PCNT: variants seen among roughly 807,000 people sequenced by gnomAD.
PCNT encodes pericentrin, also known as kendrin.
In PCNT, 319 loss-of-function variants were observed where a neutral mutation model predicts 380.4. The ratio of observed to expected loss-of-function variants is 0.84; its 90% confidence interval spans 0.77 to 0.92. The LOEUF is 0.92. Among genes scored for constraint, PCNT ranks in the 40% least tolerant of loss-of-function variants. The pLI, the probability that PCNT is intolerant of heterozygous loss-of-function variation, is 0.00. For missense variants in PCNT, 4,400 were observed against 4,255.3 expected (o/e 1.03, Z -0.95); for synonymous variants, 1,845 against 1,735.2 (o/e 1.06, Z -1.57).
rs1206931377 is a variant in PCNT at position 46,416,668 on chromosome 21, C to T, written c.6750C>T (p.Ala2250=). 1.3e-6 allele frequency: 2 copies of T among 1,565,030 alleles called. No individual in the cohort carries two copies. Among genetic ancestry groups the T allele is most frequent in the Admixed American group, 1.8e-5 (1 of 54,776 alleles). ...TCCCCGTGACACCCCACTCAGGAGCCCTGAGCCTGTGCAGTGCCGACACAT... is the reference window on the plus strand; with the variant it reads ...TCCCCGTGACACCCCACTCAGGAGCTCTGAGCCTGTGCAGTGCCGACACAT... ...PSLPVTPHSG[A]LSLCSADTSL... The change falls in exon 30 of 47, where the codon GCC becomes GCT. Residue 2250 remains alanine, a synonymous_variant. Transcript: ENST00000359568.
intron 29 of PCNT, among the ~76,000 whole-genome samples, chr21:46,414,864 C>T (rs1224732834): frequency 6.7e-6 from 1 of 149,166 alleles, no homozygotes; most frequent in Non-Finnish European, 1.5e-5. Flanking sequence ...CTACCCTCCT[C>T]CTGCTGGACA....
intron 2 of PCNT, among the ~76,000 whole-genome samples, chr21:46,329,797 C>T (rs1266354601): frequency 6.6e-6 from 1 of 152,184 alleles, no homozygotes; most frequent in Non-Finnish European, 1.5e-5. Context: ...CTGTTTAAAG[C>T]AGTATTTTAA....
At chr21:46,436,405 T>A (rs1308104443) in intron 39 of PCNT, among the ~76,000 whole-genome samples, 2 of 147,170 alleles carry the variant, frequency 1.4e-5, no homozygotes, top group Non-Finnish European at 3.0e-5. Context: ...GAGGGTTGGC[T>A]TGGTTCTCTT....
chr21:46,392,287 T>TCAGTTCACTGCAACCTCC (rs1246574995), intron 21 of PCNT, among the ~76,000 whole-genome samples: 1 of 152,158 alleles, frequency 6.6e-6, no homozygotes, highest in African/African-American at 2.4e-5. Context: ...TGGCGTGATC[T>TCAGTTCACTGCAACCTCC]CAGTTCACTG....
intron 15 of PCNT, among the ~76,000 whole-genome samples, chr21:46,379,249 T>C (rs147279554): frequency 1.9e-4 from 26 of 137,634 alleles, no homozygotes; most frequent in Admixed American, 8.4e-4. Context: ...TGTCGTGAGC[T>C]GCGCCCGTCT....
At chr21:46,372,155 A>G (rs2085164027) in intron 15 of PCNT, among the ~76,000 whole-genome samples, 1 of 147,076 alleles carries the variant, frequency 6.8e-6, no homozygotes, top group Admixed American at 6.8e-5. Context: ...GTGCCCATAC[A>G]AGGCACACGC....
chr21:46,437,410 C>T (rs559582092), intron 40 of PCNT, among the ~76,000 whole-genome samples: 25 of 152,258 alleles, frequency 1.6e-4, no homozygotes, highest in South Asian at 4.1e-4. Flanking sequence ...ACATGCTGCT[C>T]GCTGTGCATG....
At position 46,440,094 on chromosome 21, in the gene PCNT, G is replaced by A. The variant is rs748429365; in HGVS notation, c.9285G>A (p.Arg3095=). Reference sequence around the variant, plus strand: ...GTGCTTCCTTACAGAGGTCGGAAAGGTCTGCTTGGAAGCCAGACGAAACGG... The same window carrying A: ...GTGCTTCCTTACAGAGGTCGGAAAGATCTGCTTGGAAGCCAGACGAAACGG... ...QKGCSPSRSE[R]SAWKPDETAP... is the part of the protein sequence containing the mutation. Residue 3095 remains arginine, a synonymous_variant, in exon 42 of 47, where the codon AGG becomes AGA. Coordinates refer to ENST00000359568, the MANE Select transcript of PCNT (RefSeq NM_006031.6). The A allele has an allele frequency of 8.1e-6, 13 of 1,614,006 alleles. No individual in the cohort carries two copies. The highest frequency in any genetic ancestry group is 1.1e-5 in the Non-Finnish European group (13 of 1,180,046).
At chr21:46,374,516 C>G (rs1188288813) in intron 15 of PCNT, among the ~76,000 whole-genome samples, 1 of 152,116 alleles carries the variant, frequency 6.6e-6, no homozygotes, top group Non-Finnish European at 1.5e-5. Flanking sequence ...CCACTCCTCT[C>G]CTGGTCTCCT....
chr21:46,336,814 T>C (rs1051427145), intron 3 of PCNT, among the ~76,000 whole-genome samples: 12 of 152,098 alleles, frequency 7.9e-5, no homozygotes, highest in African/African-American at 2.7e-4. Context: ...TTTATAGACA[T>C]ATATGTTAAA....
chr21:46,356,108 C>T (rs1210203061), intron 12 of PCNT, among the ~76,000 whole-genome samples: 2 of 152,168 alleles, frequency 1.3e-5, no homozygotes, highest in South Asian at 4.1e-4. Context: ...TGCAGTCATC[C>T]CAGAGTCGCG....
At chr21:46,415,156 T>C (rs912115034) in intron 29 of PCNT, among the ~76,000 whole-genome samples, 1 of 152,200 alleles carries the variant, frequency 6.6e-6, no homozygotes, top group African/African-American at 2.4e-5. Context: ...CCACACTGCG[T>C]GCACCTCATT....
At position 46,326,347 on chromosome 21, in the gene PCNT, C is replaced by T. The variant is rs369560737; in HGVS notation, c.55-30C>T. ...GTTATTTTTTTCTCACTTACCTTTG[C>T]CTTTACTACTTATCTACATTTTTGC... On this transcript the variant is annotated intron_variant, in intron 1 of 46. Coordinates refer to ENST00000359568, the MANE Select transcript of PCNT (RefSeq NM_006031.6). 14 of 1,607,014 alleles carry T rather than the reference C, an allele frequency of 8.7e-6. No homozygotes were observed. In the African/African-American group the frequency reaches 1.2e-4, roughly 14 times the overall value.
chr21:46,346,229 C>T (rs989782226), intron 4 of PCNT, 21 bp downstream of exon 4: 2 of 1,594,016 alleles, frequency 1.3e-6, no homozygotes, highest in Admixed American at 1.7e-5. Context: ...GGGGCCTGCA[C>T]AGGCTCACAG....
chr21:46,438,669 ATT>A lies in PCNT; in HGVS notation c.9273+352_9273+353del, dbSNP rs34152810. Among the ~76,000 whole-genome samples the A allele has an allele frequency of 2.7e-3, 341 of 127,546 alleles. 1 individual carries two copies. The highest frequency in any genetic ancestry group is 5.6e-3 in the East Asian group (24 of 4,316). 83.7% of individuals were successfully genotyped at this position (127,546 alleles called of 152,430 possible). A position where few individuals can be genotyped will look rare whatever the true frequency, so the allele number is the denominator to read the frequency against. On this transcript the variant is annotated intron_variant, in intron 41 of 46. Transcript: ENST00000359568. ...AGAGTTTTAGTTAAAGTGATTTATA[ATT>A]TTTTTTTTTTTTTTTTTTTGAGACC...
intron 2 of PCNT, among the ~76,000 whole-genome samples, 161 bp from the exon 3 acceptor site, chr21:46,334,236 G>T (rs2083656733): frequency 6.6e-6 from 1 of 152,086 alleles, no homozygotes; most frequent in Non-Finnish European, 1.5e-5. Context: ...TAGAGCTTGG[G>T]AATTGTTAAT....
At chr21:46,404,567 A>G (rs1213862254) in intron 27 of PCNT, among the ~76,000 whole-genome samples, 1 of 139,736 alleles carries the variant, frequency 7.2e-6, no homozygotes, top group Non-Finnish European at 1.6e-5. Flanking sequence ...AAGTCCTCAT[A>G]GTTTCTGGGT....
intron 15 of PCNT, among the ~76,000 whole-genome samples, chr21:46,377,021 G>A (rs150471629): frequency 6.3e-4 from 96 of 152,334 alleles, no homozygotes; most frequent in African/African-American, 2.3e-3. Flanking sequence ...TGGCACCTCA[G>A]CAAGTTCCAG....
intron 27 of PCNT, among the ~76,000 whole-genome samples, chr21:46,410,087 C>T (rs900226570): frequency 6.6e-6 from 1 of 152,254 alleles, no homozygotes; most frequent in Non-Finnish European, 1.5e-5. Flanking sequence ...GAAATTCCTT[C>T]GCGTGCCTGT....
Sources: allele counts gnomAD v4.1 joint callset (sites outside exome capture counted in the v4.1 genomes callset), GRCh38; gene constraint gnomAD v4.1.1; transcripts MANE v1.5; gene names NCBI Gene and HGNC (gene_info 2026-07-23, HGNC 2026-07-21).